LMTK2: variants seen among roughly 807,000 people sequenced by gnomAD.
LMTK2 encodes lemur tail kinase 2.
Under a neutral mutation model 127.5 loss-of-function variants are expected in LMTK2, and 37 were observed. That is an observed-to-expected ratio of 0.29 (90% CI 0.22 to 0.38). The LOEUF is 0.38. LMTK2 is among the 10% of genes least tolerant of loss of function. The probability of loss-of-function intolerance (pLI) is 1.00; values close to 1 mark genes in which losing one functional copy is unlikely to be tolerated. For missense variants in LMTK2, 1,694 were observed against 1,920.3 expected (o/e 0.88, Z 2.20); for synonymous variants, 819 against 810.1 (o/e 1.01, Z -0.19).
At chr7:98,161,075 T>C (rs1352540485) in intron 6 of LMTK2, among the ~76,000 whole-genome samples, 1 of 152,228 alleles carries the variant, frequency 6.6e-6, no homozygotes, top group African/African-American at 2.4e-5. Context: ...TTTCTTGTAA[T>C]TAGTGAGATA....
intron 6 of LMTK2, among the ~76,000 whole-genome samples, chr7:98,169,179 C>T (rs1245173923): frequency 6.6e-6 from 1 of 152,176 alleles, no homozygotes; most frequent in Non-Finnish European, 1.5e-5. Context: ...CAAGTCTCAA[C>T]CATGAGAACC....
chr7:98,150,099 G>A (rs1275813784), intron 3 of LMTK2, among the ~76,000 whole-genome samples: 2 of 152,044 alleles, frequency 1.3e-5, no homozygotes, highest in Non-Finnish European at 2.9e-5. Context: ...CACAAGGTTA[G>A]GAGTTTGAGA....
chr7:98,127,539 G>T (rs1796460822), intron 1 of LMTK2, among the ~76,000 whole-genome samples: 1 of 152,246 alleles, frequency 6.6e-6, no homozygotes, highest in African/African-American at 2.4e-5. Flanking sequence ...CAGGCGAGAT[G>T]TGTAAGGACC....
chr7:98,135,826 T>C (rs1796587371), intron 1 of LMTK2, among the ~76,000 whole-genome samples: 1 of 152,102 alleles, frequency 6.6e-6, no homozygotes, highest in African/African-American at 2.4e-5. Context: ...TAAAATATTT[T>C]AGGCATTGTG....
chr7:98,123,724 C>CACACAG (rs1554383899), intron 1 of LMTK2, among the ~76,000 whole-genome samples: 15 of 151,272 alleles, frequency 9.9e-5, no homozygotes, highest in African/African-American at 2.4e-4. Flanking sequence ...CACACACACA[C>CACACAG]ACAGACATAC....
At chr7:98,174,104 TAAA>T (rs11351887) in intron 7 of LMTK2, among the ~76,000 whole-genome samples, 29 of 117,870 alleles carry the variant, frequency 2.5e-4, no homozygotes, top group Non-Finnish European at 2.7e-4. Flanking sequence ...CATTTTGTTG[TAAA>T]AAAAAAAAAA....
At chr7:98,148,492 C>CAA (rs1202150647) in intron 3 of LMTK2, among the ~76,000 whole-genome samples, 51 of 135,356 alleles carry the variant, frequency 3.8e-4, no homozygotes, top group Non-Finnish European at 5.5e-4. Context: ...GACTCCGTCT[C>CAA]AAAAAAAAAA....
intron 9 of LMTK2, 122 bp downstream of exon 9, chr7:98,187,120 G>C (rs890516512): frequency 4.5e-6 from 4 of 894,298 alleles, no homozygotes; most frequent in African/African-American, 1.7e-5. Flanking sequence ...AGTATCTGAT[G>C]GTGTGAAAAA....
rs1211281938 is a variant in LMTK2, at chr7:98,151,393, T to G, written c.388T>G (p.Ser130Ala). The G allele has an allele frequency of 6.2e-7, 1 of 1,612,696 alleles. No homozygotes were observed. The highest frequency in any genetic ancestry group is 8.5e-7 in the Non-Finnish European group (1 of 1,178,730). ...TTTTTTCTCTACAGAGGGATTGAAG[T>G]CTCAAGTTGCCCGCCACAGTCTAAA... ...QFQPSVEGLK[S>A]QVARHSLNYI... Residue 130 changes from serine to alanine, a missense_variant, in exon 4 of 14, where the codon TCT becomes GCT. Physicochemically the swap from Ser to Ala is moderately conservative, Grantham distance 99. Transcript: ENST00000297293.
chr7:98,116,008 C>T (rs2116321704), intron 1 of LMTK2, among the ~76,000 whole-genome samples: 1 of 152,214 alleles, frequency 6.6e-6, no homozygotes, highest in South Asian at 2.1e-4. Context: ...ATGTCAGCTC[C>T]TGAGTAGCTG....
In LMTK2 at chr7:98,192,567, T is replaced by C; in HGVS notation, c.2102T>C (p.Leu701Pro). The C allele has an allele frequency of 6.2e-7, 1 of 1,613,324 alleles. No homozygotes were observed. Among genetic ancestry groups the C allele is most frequent in the South Asian group, 1.1e-5 (1 of 90,842 alleles). ...ATTTTTGACAGTGAGCCTCTCTGCCTATCAGATAATCTTATGCACCAAGAT... is the reference window on the plus strand; with the variant it reads ...ATTTTTGACAGTGAGCCTCTCTGCCCATCAGATAATCTTATGCACCAAGAT... Reference protein sequence around the residue: ...RKIFDSEPLCLSDNLMHQDNF... With the variant: ...RKIFDSEPLCPSDNLMHQDNF... The change falls in exon 11 of 14, where the codon CTA becomes CCA. Residue 701 changes from leucine to proline, a missense_variant. By Grantham distance (98) the Leu-to-Pro change is moderately conservative (BLOSUM62 -3). Transcript: ENST00000297293.
At chr7:98,176,292 C>T (rs1037425467) in intron 7 of LMTK2, among the ~76,000 whole-genome samples, 1 of 152,028 alleles carries the variant, frequency 6.6e-6, no homozygotes, top group African/African-American at 2.4e-5. Context: ...ACATTTCTTC[C>T]GACAGGAAAG....
intron 13 of LMTK2, 102 bp downstream of exon 13, chr7:98,204,288 T>A (rs904645044): frequency 9.0e-6 from 13 of 1,444,354 alleles, no homozygotes; most frequent in Admixed American, 1.9e-5. Context: ...TCATGTCTTC[T>A]TCACATTTGC....
In LMTK2 at chr7:98,192,023, G is replaced by A. The variant is rs200885902; in HGVS notation, c.1558G>A (p.Gly520Arg). The change falls in exon 11 of 14, where the codon GGA becomes AGA. Residue 520 changes from glycine to arginine, a missense_variant. Gly to Arg is a moderately radical substitution (Grantham distance 125). Coordinates refer to ENST00000297293, the MANE Select transcript of LMTK2 (RefSeq NM_014916.4). Reference sequence around the variant, plus strand: ...GAGTTCGCTTTCAGATCCTGGGCCCGGAAAGCAAGATGACAGCGGCCAGGA... The same window carrying A: ...GAGTTCGCTTTCAGATCCTGGGCCCAGAAAGCAAGATGACAGCGGCCAGGA... ...FESSLSDPGPGKQDDSGQDVP... is the reference protein window; with the variant it reads ...FESSLSDPGPRKQDDSGQDVP... The A allele has an allele frequency of 8.4e-5, 135 of 1,606,860 alleles. No homozygotes were observed. Among genetic ancestry groups the A allele is most frequent in the Non-Finnish European group, 1.1e-4 (128 of 1,174,406 alleles).
intron 7 of LMTK2, among the ~76,000 whole-genome samples, chr7:98,172,310 T>C (rs2116426280): frequency 6.6e-6 from 1 of 150,834 alleles, no homozygotes; most frequent in African/African-American, 2.4e-5. Flanking sequence ...TTCTTTTTTT[T>C]TTTTTTTTTT....
intron 6 of LMTK2, among the ~76,000 whole-genome samples, chr7:98,161,968 C>T (rs909582996): frequency 6.6e-6 from 1 of 152,166 alleles, no homozygotes; most frequent in Non-Finnish European, 1.5e-5. Context: ...GCCCGTTTCC[C>T]GGCTGATGGA....
At chr7:98,119,831 C>G (rs547272160) in intron 1 of LMTK2, among the ~76,000 whole-genome samples, 2 of 152,338 alleles carry the variant, frequency 1.3e-5, no homozygotes, top group Non-Finnish European at 2.9e-5. Flanking sequence ...CGGTAACTTG[C>G]AGGGTGTTTT....
intron 1 of LMTK2, 114 bp from the exon 2 acceptor site, chr7:98,137,201 A>G (rs1375410353): frequency 7.5e-6 from 7 of 927,642 alleles, no homozygotes; most frequent in Non-Finnish European, 1.1e-5. Context: ...TTTCTCGAGC[A>G]TTATTTTATT....
intron 6 of LMTK2, among the ~76,000 whole-genome samples, chr7:98,162,161 T>A (rs747805247): frequency 1.3e-5 from 2 of 152,222 alleles, no homozygotes. Flanking sequence ...GTTTTAATGC[T>A]ATTTTAATGT....
Sources: allele counts gnomAD v4.1 joint callset (sites outside exome capture counted in the v4.1 genomes callset), GRCh38; gene constraint gnomAD v4.1.1; transcripts MANE v1.5; gene names NCBI Gene and HGNC (gene_info 2026-07-23, HGNC 2026-07-21).